LRRC9: variants seen among roughly 807,000 people sequenced by gnomAD.
The protein encoded by LRRC9 is leucine-rich repeat-containing protein 9.
In LRRC9, 122 loss-of-function variants were observed where a neutral mutation model predicts 63.2. The ratio of observed to expected loss-of-function variants is 1.93; its 90% CI spans 1.67 to 2.24. LRRC9 has a LOEUF of 2.24. Among genes scored for constraint, LRRC9 ranks in the 30% most tolerant of loss-of-function variants. The pLI is 0.00. For missense variants in LRRC9, 1,071 were observed against 627.7 expected (o/e 1.71, Z -7.55); for synonymous variants, 366 against 213.1 (o/e 1.72, Z -6.25).
rs1455662697 is a variant in LRRC9, at chr14:60,051,337, C to T, written c.3991-1728C>T. On this transcript the variant is annotated intron_variant, in intron 29 of 31. Transcript: ENST00000445360. The surrounding 1 kb of genome is among the most constrained non-coding windows in gnomAD (Gnocchi z 4.7). ...AGTGAGGAAGAATGGATCAGGGTGC[C>T]ACTTAAAGAAGCAGTCTGAGCATGA... Among the ~76,000 whole-genome samples the T allele has an allele frequency of 6.6e-6, 1 of 152,202 alleles. No individual in the cohort carries two copies. The highest frequency in any genetic ancestry group is 2.4e-5 in the African/African-American group (1 of 41,456).
At chr14:60,025,396 C>T (rs1334084638) in intron 27 of LRRC9, among the ~76,000 whole-genome samples, 1 of 151,992 alleles carries the variant, frequency 6.6e-6, no homozygotes, top group Non-Finnish European at 1.5e-5. Flanking sequence ...GCCACCACTC[C>T]CTGCCCAGAT....
At chr14:60,002,903 G>C (rs1429377156) in intron 20 of LRRC9, among the ~76,000 whole-genome samples, 1 of 152,190 alleles carries the variant, frequency 6.6e-6, no homozygotes, top group African/African-American at 2.4e-5. Flanking sequence ...CCAAAATTCA[G>C]ACAGCAAGAG....
At chr14:59,928,336 G>C in exon 3 of LRRC9, 1 of 677,638 alleles carries the variant, frequency 1.5e-6, no homozygotes, top group Non-Finnish European at 2.7e-6. Context: ...AGTTGGAGAT[G>C]TTTTTCTTAG....
intron 29 of LRRC9, among the ~76,000 whole-genome samples, chr14:60,050,788 T>G (rs557605939): frequency 6.6e-6 from 1 of 152,060 alleles, no homozygotes; most frequent in African/African-American, 2.4e-5. Flanking sequence ...TCTTGTCTGT[T>G]TGTTTGTTCT....
exon 16 of LRRC9, chr14:59,981,953 G>C (rs1451557302): frequency 2.8e-6 from 2 of 702,626 alleles, no homozygotes; most frequent in South Asian, 3.0e-5. Context: ...ATTTGATGAT[G>C]AAGTTATAAA....
chr14:59,995,932 G>A (rs1240307818), intron 17 of LRRC9, among the ~76,000 whole-genome samples: 2 of 152,062 alleles, frequency 1.3e-5, no homozygotes, highest in African/African-American at 2.4e-5. Context: ...TCGTAGAGAT[G>A]GGGTTTCACC....
intron 28 of LRRC9, among the ~76,000 whole-genome samples, chr14:60,030,610 C>T (rs1891915885): frequency 6.6e-6 from 1 of 152,010 alleles, no homozygotes; most frequent in Admixed American, 6.6e-5. Flanking sequence ...ATTATAACTG[C>T]TTTAGGTACT....
exon 25 of LRRC9, chr14:60,018,392 C>A (rs976271129): frequency 1.4e-6 from 1 of 700,158 alleles, no homozygotes; most frequent in Middle Eastern, 2.3e-4. Flanking sequence ...TGATTCCAGT[C>A]GACCAATTTA....
chr14:60,020,837 CACTGTATGGATATG>C lies in LRRC9; in HGVS notation c.3566+1592_3566+1605del, dbSNP rs1427165100. 4.0e-5 allele frequency among the ~76,000 whole-genome samples: 6 copies of C among 151,872 alleles called. No homozygotes were observed. In the South Asian group the frequency reaches 8.3e-4, roughly 21 times the overall value. ...TTATTGCTGAATATATTGGCCATTT[CACTGTATGGATATG>C]ACTGTATGGATATGTTACATAATGT... On this transcript the variant is annotated intron_variant, in intron 26 of 31. Transcript: ENST00000445360.
rs1452709386 is a variant in LRRC9, at chr14:59,966,791, C to A, written c.1388+26C>A. The stretch of plus-strand genomic sequence containing the variant: ...GTAAGAAGCTGAATTCTTTATGGAA[C>A]AACTTTACAAAAGTGTGACTGTATT... On this transcript the variant is annotated intron_variant, in intron 11 of 31. Coordinates refer to ENST00000445360, the Ensembl canonical transcript of LRRC9. The surrounding 1 kb of genome is among the most constrained non-coding windows in gnomAD (Gnocchi z 4.0). 1 of 578,046 alleles carries A rather than the reference C, an allele frequency of 1.7e-6. No individual in the cohort carries two copies. The highest frequency in any genetic ancestry group is 3.1e-6 in the Non-Finnish European group (1 of 321,392). The allele number at this position is 578,046 out of a possible 1,614,324, so 35.8% of individuals were successfully genotyped here.
At chr14:59,977,142 T>C (rs1886378907) in intron 13 of LRRC9, 83 bp from the exon 14 acceptor site, 4 of 615,902 alleles carry the variant, frequency 6.5e-6, no homozygotes, top group South Asian at 4.1e-5. Context: ...TACAGTTTAG[T>C]CTTGGGCCAA....
At chr14:59,999,020 T>A (rs573891115) in intron 18 of LRRC9, 81 bp from the exon 19 acceptor site, 1 of 536,352 alleles carries the variant, frequency 1.9e-6, no homozygotes, top group Admixed American at 3.3e-5. Context: ...TTGAATTATA[T>A]GGAAAGACAT....
chr14:60,064,140 A>G (rs1894816384), downstream of LRRC9, among the ~76,000 whole-genome samples: 1 of 152,216 alleles, frequency 6.6e-6, no homozygotes, highest in Non-Finnish European at 1.5e-5. Flanking sequence ...CTGAGTGGAC[A>G]CATTTAAAAA....
intron 19 of LRRC9, 126 bp downstream of exon 19, chr14:59,999,352 G>A: frequency 2.1e-6 from 1 of 480,724 alleles, no homozygotes; most frequent in Non-Finnish European, 3.7e-6. Context: ...TTAATATAGA[G>A]CAATCATACC....
rs1889154467 is a variant in LRRC9, at chr14:59,925,721, C to T, written c.-33-2190C>T. On this transcript the variant is annotated intron_variant, in intron 1 of 31. Coordinates refer to ENST00000445360, the Ensembl canonical transcript of LRRC9. ...GTCCCTTATATATAATACACAGCTA[C>T]CCCTTCCCAACCACTGCTTCTCTCA... Among the ~76,000 whole-genome samples the T allele has an allele frequency of 2.0e-5, 3 of 152,164 alleles. No individual in the cohort carries two copies. In the South Asian group the frequency reaches 6.2e-4, roughly 32 times the overall value.
intron 27 of LRRC9, among the ~76,000 whole-genome samples, chr14:60,023,956 C>T (rs527552372): frequency 4.6e-5 from 7 of 152,036 alleles, no homozygotes; most frequent in East Asian, 1.9e-4. Context: ...TCATCCATGT[C>T]GCCACAAAGG....
chr14:59,952,386 T>C (rs932675709), intron 8 of LRRC9, among the ~76,000 whole-genome samples: 18 of 152,260 alleles, frequency 1.2e-4, no homozygotes, highest in Admixed American at 5.9e-4. Flanking sequence ...CCCACTGGCC[T>C]GCGCCCACTG....
chr14:60,018,600 GTTTT>G (rs5809058), intron 25 of LRRC9, 121 bp downstream of exon 25: 1 of 407,566 alleles, frequency 2.5e-6, no homozygotes, highest in African/African-American at 2.1e-5. Context: ...TTTTCTTTGG[GTTTT>G]TTTTTGTTTT....
chr14:60,053,667 T>C lies in LRRC9; in HGVS notation c.4131+462T>C, dbSNP rs993685293. ...TGTAGTTTATCTAAGAAAGGAGATG[T>C]GTGCCTCTATCTGTGTGTTTTGTTA... On this transcript the variant is annotated intron_variant, in intron 30 of 31. Coordinates refer to ENST00000445360, the Ensembl canonical transcript of LRRC9. This position sits in a 1 kb window ranked among gnomAD's most constrained non-coding sequence, Gnocchi z 4.8. Among the ~76,000 whole-genome samples, 7 of 152,204 alleles carry C rather than the reference T, an allele frequency of 4.6e-5. No individual in the cohort carries two copies. Among genetic ancestry groups the C allele is most frequent in the Admixed American group, 1.3e-4 (2 of 15,280 alleles).
Sources: gnomAD v4.1 joint callset for allele counts (sites outside exome capture counted in the v4.1 genomes callset) on GRCh38, gnomAD v4.1.1 for gene constraint, Gnocchi (gnomAD v3.1) non-coding constraint, MANE v1.5 for transcripts, NCBI Gene and HGNC (gene_info 2026-07-23, HGNC 2026-07-21) for gene names.